Variants in EBF2 observed in about 807,000 individuals in gnomAD.
The protein encoded by EBF2 is transcription factor COE2.
A neutral mutation model predicts 72.8 loss-of-function variants in EBF2; 21 were observed. That is an observed-to-expected ratio of 0.29 (90% CI 0.20 to 0.42). The LOEUF is 0.42. EBF2 is among the 10% of genes least tolerant of loss of function. The pLI is 1.00. For missense variants in EBF2, 637 were observed against 731.2 expected, an observed-to-expected ratio of 0.87 and a Z score of 1.49; for synonymous variants, 299 against 274.2, an observed-to-expected ratio of 1.09 and a Z score of -0.89.
chr8:25,888,183 C>T (rs567157165), intron 8 of EBF2, among the ~76,000 whole-genome samples: 5 of 152,296 alleles, frequency 3.3e-5, no homozygotes, highest in African/African-American at 1.2e-4. Context: ...AAAACAAATC[C>T]TTGCCTTCAA....
rs896604415 is a variant in EBF2, at chr8:25,848,029, TA to T, written c.1696+2564del. Among the ~76,000 whole-genome samples, 934 of 151,382 alleles carry T rather than the reference TA, an allele frequency of 6.2e-3. 18 individuals are homozygous for T. Among genetic ancestry groups the T allele is most frequent in the African/African-American group, 0.021 (866 of 41,104 alleles). On this transcript the variant is annotated intron_variant, in intron 15 of 15. Coordinates refer to ENST00000520164, the MANE Select transcript of EBF2 (RefSeq NM_022659.4). ...CCCCAAAATTAATGAAATTTTCTTT[TA>T]AAAAAAAACCTATAAAAACTTTTAT...
intron 6 of EBF2, among the ~76,000 whole-genome samples, chr8:25,953,401 G>A (rs575812055): frequency 1.3e-5 from 2 of 152,176 alleles, no homozygotes; most frequent in African/African-American, 4.8e-5. Context: ...GCATTTAATT[G>A]CATTTCCAAG....
chr8:25,911,294 C>T (rs1249713134), intron 6 of EBF2, among the ~76,000 whole-genome samples: 1 of 152,178 alleles, frequency 6.6e-6, no homozygotes, highest in African/African-American at 2.4e-5. Context: ...CCACTTTCTC[C>T]AAACAATGTT....
chr8:26,039,401 G>T (rs1411328901), intron 5 of EBF2, among the ~76,000 whole-genome samples: 1 of 152,052 alleles, frequency 6.6e-6, no homozygotes, highest in East Asian at 1.9e-4. Context: ...TCTCCCAGCG[G>T]GTCCTCTCCC....
chr8:25,949,768 G>T (rs958133782), intron 6 of EBF2, among the ~76,000 whole-genome samples: 1 of 152,148 alleles, frequency 6.6e-6, no homozygotes, highest in African/African-American at 2.4e-5. Context: ...AGAGACAGGT[G>T]CCCTGAAAAG....
At position 25,849,703 on chromosome 8, in the gene EBF2, TTG is replaced by T. The variant is rs573274819; in HGVS notation, c.1696+889_1696+890del. ...ATGATTTTTCATATACTCATCACATTTGTGTTATGTCATGCCATATTATATTT... is the reference window on the plus strand; with the variant it reads ...ATGATTTTTCATATACTCATCACATTTGTTATGTCATGCCATATTATATTT... On this transcript the variant is annotated intron_variant, in intron 15 of 15. Transcript: ENST00000520164. 4.4e-4 allele frequency among the ~76,000 whole-genome samples: 67 copies of T among 152,262 alleles called. 1 individual carries two copies. The highest frequency in any genetic ancestry group is 1.5e-3 in the African/African-American group (61 of 41,546).
At chr8:26,042,300 A>G in intron 1 of EBF2, 49 bp from the exon 2 acceptor site, 1 of 1,572,718 alleles carries the variant, frequency 6.4e-7, no homozygotes. Flanking sequence ...GAAGCACAAA[A>G]AGGCGATGTT....
chr8:25,936,761 G>T (rs977824477), intron 6 of EBF2, among the ~76,000 whole-genome samples: 6 of 152,182 alleles, frequency 3.9e-5, no homozygotes, highest in African/African-American at 1.4e-4. Flanking sequence ...AATGATAACT[G>T]TGAATTTAAA....
intron 6 of EBF2, among the ~76,000 whole-genome samples, chr8:26,015,653 C>T (rs1276210061): frequency 2.6e-5 from 4 of 152,196 alleles, no homozygotes; most frequent in Non-Finnish European, 2.9e-5. Context: ...ATTAATGCTC[C>T]AGCAATCCAG....
At chr8:25,925,515 C>T (rs1803371278) in intron 6 of EBF2, among the ~76,000 whole-genome samples, 1 of 152,170 alleles carries the variant, frequency 6.6e-6, no homozygotes, top group Non-Finnish European at 1.5e-5. Context: ...TTCTCTAATT[C>T]CTGAGTGTAT....
chr8:25,908,057 C>G (rs753478993), intron 7 of EBF2, among the ~76,000 whole-genome samples: 3 of 152,152 alleles, frequency 2.0e-5, no homozygotes, highest in Non-Finnish European at 4.4e-5. Flanking sequence ...CCAGAAGGCT[C>G]AGAGAGCGAC....
intron 6 of EBF2, among the ~76,000 whole-genome samples, chr8:25,989,543 A>G (rs1486981619): frequency 3.3e-5 from 5 of 152,236 alleles, no homozygotes; most frequent in Non-Finnish European, 7.3e-5. Flanking sequence ...TTCAGAGACT[A>G]TAGACATTTT....
Position 25,889,706 on chromosome 8 carries a change from G to A in EBF2, c.751+46C>T, listed in dbSNP as rs373255165. 5.4e-5 allele frequency: 78 copies of A among 1,436,378 alleles called. No individual in the cohort carries two copies. The Admixed American group carries it at 6.3e-4, about 12-fold the overall frequency. 89.0% of individuals were successfully genotyped at this position (1,436,378 alleles called of 1,614,324 possible). A position where few individuals can be genotyped will look rare whatever the true frequency, so the allele number is the denominator to read the frequency against. ...ATTTGAAGTTCGAACAAGGAAATTCGTGGAGAATTTCATGTGTCTGCTATG... is the reference window on the plus strand; with the variant it reads ...ATTTGAAGTTCGAACAAGGAAATTCATGGAGAATTTCATGTGTCTGCTATG... On this transcript the variant is annotated intron_variant, in intron 8 of 15. Transcript: ENST00000520164.
chr8:25,984,250 A>C (rs971699437), intron 6 of EBF2, among the ~76,000 whole-genome samples: 2 of 152,212 alleles, frequency 1.3e-5, no homozygotes, highest in Non-Finnish European at 2.9e-5. Flanking sequence ...TTACTGAAAC[A>C]ATATTGGCTG....
At chr8:25,964,236 T>C (rs1585209872) in intron 6 of EBF2, among the ~76,000 whole-genome samples, 1 of 150,540 alleles carries the variant, frequency 6.6e-6, no homozygotes, top group Non-Finnish European at 1.5e-5. Flanking sequence ...GGTGAGTGTC[T>C]GCAAAGAGCA....
At chr8:26,004,707 T>G (rs1554480710) in intron 6 of EBF2, among the ~76,000 whole-genome samples, 1 of 139,222 alleles carries the variant, frequency 7.2e-6, no homozygotes, top group South Asian at 2.3e-4. Context: ...AAAGTAGGTT[T>G]AAAACAAAGT....
At chr8:25,846,836 T>C (rs888172281) in intron 15 of EBF2, among the ~76,000 whole-genome samples, 1 of 152,214 alleles carries the variant, frequency 6.6e-6, no homozygotes, top group African/African-American at 2.4e-5. Flanking sequence ...CTCCTAGTCC[T>C]ACATCCAGAC....
At chr8:25,865,821 C>T (rs113886966) in intron 10 of EBF2, among the ~76,000 whole-genome samples, 7,939 of 151,486 alleles carry the variant, frequency 0.052, 723 homozygotes, top group African/African-American at 0.18. Context: ...GTCAGGAGAT[C>T]GAGACTATCC....
At position 25,961,790 on chromosome 8, in the gene EBF2, G is replaced by A. The variant is rs1056405866; in HGVS notation, c.552-53235C>T. ...AATATGTTTTGGAAGGGGCTCAAGC[G>A]CCAGGGGCACCTACAGTAGAAAATG... On this transcript the variant is annotated intron_variant, in intron 6 of 15. Transcript: ENST00000520164. Among the ~76,000 whole-genome samples, 32 of 152,196 alleles carry A rather than the reference G, an allele frequency of 2.1e-4. 1 individual carries two copies. The highest frequency in any genetic ancestry group is 4.4e-4 in the Non-Finnish European group (30 of 68,038).
Sources: gnomAD v4.1 joint callset for allele counts (sites outside exome capture counted in the v4.1 genomes callset) on GRCh38, gnomAD v4.1.1 for gene constraint, MANE v1.5 for transcripts, NCBI Gene and HGNC (gene_info 2026-07-23, HGNC 2026-07-21) for gene names.